Variants in SCN10A observed in about 807,000 individuals in gnomAD.
SCN10A encodes sodium voltage-gated channel alpha subunit 10.
Under a neutral mutation model 170.7 loss-of-function variants are expected in SCN10A, and 162 were observed. The ratio of observed to expected loss-of-function variants is 0.95; its 90% CI spans 0.84 to 1.08. The LOEUF (loss-of-function observed/expected upper bound fraction) is 1.08, where lower values mean the gene tolerates loss of function less well. Ranked by LOEUF, SCN10A falls within the 50% of genes least tolerant of loss-of-function variation. SCN10A has a pLI of 0.00. For missense variants in SCN10A, 2,527 were observed against 2,436.9 expected (o/e 1.04, Z -0.78); for synonymous variants, 985 against 904.6 (o/e 1.09, Z -1.59).
At chr3:38,713,903 C>T in intron 22 of SCN10A, 55 bp downstream of exon 22, 2 of 1,601,168 alleles carry the variant, frequency 1.2e-6, no homozygotes, top group Non-Finnish European at 1.7e-6. Flanking sequence ...GCTGGGATTA[C>T]AGGCATGAAC....
chr3:38,697,264 C>A lies in SCN10A; in HGVS notation c.*85G>T. 1 of 1,551,106 alleles carries A rather than the reference C, an allele frequency of 6.4e-7. No individual in the cohort carries two copies. Among genetic ancestry groups the A allele is most frequent in the East Asian group, 2.3e-5 (1 of 44,246 alleles). Reference sequence around the variant, plus strand: ...GTGGCATGCATTGGTGAGGCTGTAGCTGGGTGTGATCTGCAATGGGAAAGA... The same window carrying A: ...GTGGCATGCATTGGTGAGGCTGTAGATGGGTGTGATCTGCAATGGGAAAGA... On this transcript the variant is annotated 3_prime_UTR_variant, in exon 28 of 28. Transcript: ENST00000449082.
chr3:38,744,475 C>A (rs1456328996), intron 13 of SCN10A, among the ~76,000 whole-genome samples: 5 of 148,404 alleles, frequency 3.4e-5, no homozygotes, highest in African/African-American at 1.2e-4. Flanking sequence ...TTTCAATTTT[C>A]TTCATTTTTT....
chr3:38,704,594 T>C (rs560651179), intron 26 of SCN10A, among the ~76,000 whole-genome samples: 14 of 152,364 alleles, frequency 9.2e-5, no homozygotes, highest in Admixed American at 3.3e-4. Flanking sequence ...ATTATATTTC[T>C]ATAAAGTGGA....
chr3:38,714,033 C>G lies in SCN10A; in HGVS notation c.3729G>C (p.Val1243=), dbSNP rs1436655487. 1 of 1,614,084 alleles carries G rather than the reference C, an allele frequency of 6.2e-7. No homozygotes were observed. The highest frequency in any genetic ancestry group is 1.3e-5 in the African/African-American group (1 of 74,940). ...GGGTTCGAAGGGCTTTGATGGGAGC[C>G]ACTTCAGAATATTCCAGAATCTTCG... is the stretch of plus-strand genomic sequence containing the variant. The part of the protein sequence containing the change: ...LTAKILEYSE[V]APIKALRTLR... Residue 1243 remains valine (V), a synonymous_variant, in exon 22 of 28, where the codon GTG becomes GTC. Transcript: ENST00000449082.
chr3:38,722,336 C>T lies in SCN10A; in HGVS notation c.3429G>A (p.Lys1143=). 1 of 1,614,138 alleles carries T rather than the reference C, an allele frequency of 6.2e-7. No homozygotes were observed. Among genetic ancestry groups the T allele is most frequent in the Non-Finnish European group, 8.5e-7 (1 of 1,180,012 alleles). Residue 1143 remains lysine (K), a synonymous_variant, in exon 20 of 28, where the codon AAG becomes AAA. Transcript: ENST00000449082. ...TGTGCTCCACGATACGGTAGCAAGTCTTGCGCACCTGCCAGCCCACATCCC... is the reference window on the plus strand; with the variant it reads ...TGTGCTCCACGATACGGTAGCAAGTTTTGCGCACCTGCCAGCCCACATCCC... The part of the protein sequence containing the change: ...SPWDVGWQVR[K]TCYRIVEHSW...
intron 5 of SCN10A, 45 bp downstream of exon 5, chr3:38,771,234 C>T (rs1225711523): frequency 6.2e-7 from 1 of 1,603,008 alleles, no homozygotes; most frequent in East Asian, 2.2e-5. Context: ...ACCATTTTGT[C>T]CCCTCTCCTA....
intron 10 of SCN10A, 26 bp from the exon 11 acceptor site, chr3:38,755,984 G>T: frequency 1.2e-6 from 2 of 1,613,804 alleles, no homozygotes; most frequent in Non-Finnish European, 1.7e-6. Context: ...AGCAGGTGTA[G>T]CCAATAGTAT....
At chr3:38,734,122 A>T (rs569264903) in intron 15 of SCN10A, among the ~76,000 whole-genome samples, 1 of 152,322 alleles carries the variant, frequency 6.6e-6, no homozygotes, top group East Asian at 1.9e-4. Flanking sequence ...CTGGGATTCA[A>T]GCAATTCTCA....
chr3:38,803,260 A>G (rs1410106472), intron 1 of SCN10A, among the ~76,000 whole-genome samples: 3 of 152,134 alleles, frequency 2.0e-5, no homozygotes, highest in African/African-American at 4.8e-5. Flanking sequence ...CAAGGATCTA[A>G]AACTAGAAAT....
chr3:38,790,751 C>T (rs1189076652), intron 3 of SCN10A, among the ~76,000 whole-genome samples: 1 of 152,032 alleles, frequency 6.6e-6, no homozygotes, highest in Non-Finnish European at 1.5e-5. Flanking sequence ...TACTTAATGC[C>T]TCTGTGTGTC....
intron 17 of SCN10A, among the ~76,000 whole-genome samples, chr3:38,725,689 C>A (rs886612611): frequency 1.3e-5 from 2 of 152,246 alleles, no homozygotes; most frequent in Non-Finnish European, 2.9e-5. Flanking sequence ...TAGATTTTAG[C>A]CATGACCATT....
chr3:38,735,398 C>G (rs1318535908), intron 15 of SCN10A, among the ~76,000 whole-genome samples: 1 of 152,084 alleles, frequency 6.6e-6, no homozygotes, highest in Non-Finnish European at 1.5e-5. Flanking sequence ...ATAAAAACCT[C>G]ATGGAAACAT....
chr3:38,774,889 A>G (rs1203353992), intron 4 of SCN10A, among the ~76,000 whole-genome samples: 1 of 152,186 alleles, frequency 6.6e-6, no homozygotes, highest in Non-Finnish European at 1.5e-5. Flanking sequence ...GTGTACCTCA[A>G]CAGCAAATCA....
intron 11 of SCN10A, among the ~76,000 whole-genome samples, chr3:38,753,844 A>G (rs1459150723): frequency 6.6e-6 from 1 of 152,264 alleles, no homozygotes; most frequent in East Asian, 1.9e-4. Flanking sequence ...TCTTCTGAGT[A>G]TAAGCATTAG....
At position 38,789,044 on chromosome 3, in the gene SCN10A, G is replaced by T; in HGVS notation, c.390-8C>A. On this transcript the variant is annotated splice_region_variant and splice_polypyrimidine_tract_variant and intron_variant, in intron 3 of 27. Transcript: ENST00000449082. The stretch of plus-strand genomic sequence containing the variant: ...ATAAATAAACTGAACCACCTGAAAG[G>T]CCTGTGTTAAGGAAAAGCTGAGATC... The T allele has an allele frequency of 1.3e-6, 2 of 1,589,942 alleles. No homozygotes were observed. The highest frequency in any genetic ancestry group is 1.7e-6 in the Non-Finnish European group (2 of 1,158,504).
chr3:38,773,142 G>A (rs1249618515), intron 4 of SCN10A, among the ~76,000 whole-genome samples: 1 of 152,110 alleles, frequency 6.6e-6, no homozygotes, highest in African/African-American at 2.4e-5. Flanking sequence ...ATGAAGTCTT[G>A]GGAAATGTAC....
Position 38,725,294 on chromosome 3 carries a change from G to T in SCN10A, c.3108C>A (p.Val1036=). 6.3e-7 allele frequency: 1 copy of T among 1,579,946 alleles called. No individual in the cohort carries two copies. The highest frequency in any genetic ancestry group is 1.3e-5 in the African/African-American group (1 of 74,540). The part of the protein sequence containing the change: ...PKGQQEQLQQ[V]ERCGDHLTPR... The stretch of plus-strand genomic sequence containing the variant: ...GTGTCAGGTGGTCCCCACACCTCTC[G>T]ACTTGCTGCAGCTGCTCCTGCTAGT... The change falls in exon 18 of 28, where the codon GTC becomes GTA. Residue 1036 remains valine, a synonymous_variant. Coordinates refer to ENST00000449082, the MANE Select transcript of SCN10A (RefSeq NM_006514.4).
intron 1 of SCN10A, among the ~76,000 whole-genome samples, chr3:38,815,096 A>G (rs992405920): frequency 1.3e-5 from 2 of 152,144 alleles, no homozygotes; most frequent in African/African-American, 4.8e-5. Context: ...TAAGTGTGCT[A>G]GAGCTATGGG....
intron 4 of SCN10A, among the ~76,000 whole-genome samples, chr3:38,786,594 T>C (rs2064206681): frequency 6.6e-6 from 1 of 152,150 alleles, no homozygotes; most frequent in African/African-American, 2.4e-5. Context: ...AACCTGCACT[T>C]TCTGCACATG....
Sources: allele counts gnomAD v4.1 joint callset (sites outside exome capture counted in the v4.1 genomes callset), GRCh38; gene constraint gnomAD v4.1.1; transcripts MANE v1.5; gene names NCBI Gene and HGNC (gene_info 2026-07-23, HGNC 2026-07-21).